TMC2: variants seen among roughly 807,000 people sequenced by gnomAD.
The protein encoded by TMC2 is transmembrane channel-like protein 2.
TMC2 carries 102 observed loss-of-function variants against 105.9 expected under a neutral mutation model. The observed-to-expected ratio is 0.96, with a 90% CI of 0.82 to 1.14. The LOEUF is 1.14. Ranked by LOEUF, TMC2 falls within the 50% of genes most tolerant of loss-of-function variation. The pLI, the probability that TMC2 is intolerant of heterozygous loss-of-function variation, is 0.00. For synonymous variants in TMC2, 402 were observed against 422.8 expected, an observed-to-expected ratio of 0.95 and a Z score of 0.60; for missense variants, 1,093 against 1,134.3, an observed-to-expected ratio of 0.96 and a Z score of 0.52.
chr20:2,558,614 G>T lies in TMC2; in HGVS notation c.241G>T (p.Glu81Ter). The change falls in exon 3 of 20, where the codon GAA becomes TAA. Residue 81 changes from glutamate (E) to a stop codon, truncating the protein, a stop_gained. Transcript: ENST00000358864. LOFTEE classifies it high-confidence loss of function. This position sits in a 1 kb window ranked among gnomAD's most constrained non-coding sequence, Gnocchi z 4.6. ...GCAAACAGGGCGCAGGAGACACAGA[G>T]AAGAGCTGGGGGAGCAGGAGCGGGG... ...RKQTGRRRHR[E>*]ELGEQERGEA... 1 of 1,560,138 alleles carries T rather than the reference G, an allele frequency of 6.4e-7. No homozygotes were observed. Among genetic ancestry groups the T allele is most frequent in the Non-Finnish European group, 8.7e-7 (1 of 1,151,646 alleles).
At chr20:2,605,608 C>T (rs1286143247) in intron 11 of TMC2, among the ~76,000 whole-genome samples, 1 of 152,180 alleles carries the variant, frequency 6.6e-6, no homozygotes, top group Non-Finnish European at 1.5e-5. Context: ...CAAATAGTCA[C>T]ATTGAGAGTT....
intron 4 of TMC2, among the ~76,000 whole-genome samples, chr20:2,562,805 G>C (rs2086036448): frequency 6.6e-6 from 1 of 152,028 alleles, no homozygotes; most frequent in Non-Finnish European, 1.5e-5. Flanking sequence ...AATTAGCCGG[G>C]GGTGGTTGCG....
intron 17 of TMC2, among the ~76,000 whole-genome samples, chr20:2,629,852 G>A (rs967724732): frequency 6.6e-6 from 1 of 152,160 alleles, no homozygotes; most frequent in African/African-American, 2.4e-5. Context: ...GTTAAATAAA[G>A]TTTTATTGGA....
chr20:2,584,252 G>A (rs1261915449), intron 7 of TMC2, among the ~76,000 whole-genome samples: 5 of 151,538 alleles, frequency 3.3e-5, no homozygotes, highest in South Asian at 4.2e-4. Flanking sequence ...AGACCATCCC[G>A]GCTAACACGG....
At chr20:2,563,802 C>T (rs889986314) in intron 4 of TMC2, among the ~76,000 whole-genome samples, 3 of 152,216 alleles carry the variant, frequency 2.0e-5, no homozygotes, top group Admixed American at 6.5e-5. Flanking sequence ...TTTTAACTCA[C>T]TGTGGCCTTG....
chr20:2,599,518 G>A (rs1173671655), intron 10 of TMC2, among the ~76,000 whole-genome samples: 2 of 100,174 alleles, frequency 2.0e-5, no homozygotes, highest in East Asian at 2.9e-4. Context: ...CAAGTTCTTC[G>A]TTTTTTTTTT....
chr20:2,548,970 G>C (rs1355267728), intron 2 of TMC2, among the ~76,000 whole-genome samples: 1 of 152,166 alleles, frequency 6.6e-6, no homozygotes, highest in African/African-American at 2.4e-5. Context: ...AAAAACCAAA[G>C]AAGGCATAGC....
At chr20:2,553,966 C>A (rs1341041471) in intron 2 of TMC2, among the ~76,000 whole-genome samples, 1 of 152,148 alleles carries the variant, frequency 6.6e-6, no homozygotes, top group African/African-American at 2.4e-5. Context: ...CTCACTGCAA[C>A]CTCTGCCTCC....
At position 2,597,184 on chromosome 20, in the gene TMC2, AGGGGAGAGT is replaced by A; in HGVS notation, c.1112_1120del (p.Gly371_Ser373del). ...GCAATACCCAAGGAAGCACAGGCGAAGGGGAGAGTGACAACTTCACATTCAGCTTCAAGA... is the reference window on the plus strand; with the variant it reads ...GCAATACCCAAGGAAGCACAGGCGAAGACAACTTCACATTCAGCTTCAAGA... On this transcript the variant is annotated inframe_deletion, in exon 10 of 20. Transcript: ENST00000358864. 11 of 1,614,158 alleles carry A rather than the reference AGGGGAGAGT, an allele frequency of 6.8e-6. No individual in the cohort carries two copies. The highest frequency in any genetic ancestry group is 9.3e-6 in the Non-Finnish European group (11 of 1,179,994).
chr20:2,582,471 T>A (rs1218862246), intron 7 of TMC2, among the ~76,000 whole-genome samples: 1 of 152,062 alleles, frequency 6.6e-6, no homozygotes, highest in Non-Finnish European at 1.5e-5. Flanking sequence ...TTTAAAAAAA[T>A]TATTTATATA....
At chr20:2,633,730 G>A (rs1405052432) in intron 17 of TMC2, among the ~76,000 whole-genome samples, 1 of 148,414 alleles carries the variant, frequency 6.7e-6, no homozygotes, top group African/African-American at 2.5e-5. Context: ...AAAATTTGGT[G>A]CTGTTGGTTT....
chr20:2,593,576 T>G (rs893577814), intron 8 of TMC2, among the ~76,000 whole-genome samples: 1 of 152,222 alleles, frequency 6.6e-6, no homozygotes, highest in Non-Finnish European at 1.5e-5. Context: ...TGGACTTGAT[T>G]ATTGAAAAAC....
chr20:2,628,042 C>G (rs1053821033), intron 17 of TMC2, among the ~76,000 whole-genome samples: 1 of 151,954 alleles, frequency 6.6e-6, no homozygotes, highest in Non-Finnish European at 1.5e-5. Flanking sequence ...GTGGTGTGTG[C>G]CTGTAATCCC....
At chr20:2,550,341 C>G (rs1166852874) in intron 2 of TMC2, among the ~76,000 whole-genome samples, 1 of 152,016 alleles carries the variant, frequency 6.6e-6, no homozygotes, top group Non-Finnish European at 1.5e-5. Context: ...AGAACAAGAC[C>G]CTGTCTCAAA....
Position 2,572,213 on chromosome 20 carries a change from G to A in TMC2, c.589G>A (p.Ala197Thr), listed in dbSNP as rs1320017445. The A allele has an allele frequency of 3.1e-6, 5 of 1,613,092 alleles. No individual in the cohort carries two copies. Among genetic ancestry groups the A allele is most frequent in the Admixed American group, 3.3e-5 (2 of 59,940 alleles). The change falls in exon 5 of 20, where the codon GCC becomes ACC. Residue 197 changes from alanine (A) to threonine (T), a missense_variant. Coordinates refer to ENST00000358864, the MANE Select transcript of TMC2 (RefSeq NM_080751.3). Reference sequence around the variant, plus strand: ...GGAATTTGTGGAGAAGTATGAAGGTGCCTTGGGAAAGGGGAAAGGCAAGCA... The same window carrying A: ...GGAATTTGTGGAGAAGTATGAAGGTACCTTGGGAAAGGGGAAAGGCAAGCA... ...AQEFVEKYEG[A>T]LGKGKGKQLY...
At chr20:2,563,732 C>T (rs577374517) in intron 4 of TMC2, among the ~76,000 whole-genome samples, 39 of 152,110 alleles carry the variant, frequency 2.6e-4, no homozygotes, top group African/African-American at 8.4e-4. Flanking sequence ...TAAATATATA[C>T]AATTTATTTT....
chr20:2,617,642 T>C (rs1398121545), intron 16 of TMC2: 3 of 345,016 alleles, frequency 8.7e-6, no homozygotes, highest in African/African-American at 6.3e-5. Flanking sequence ...GTACATGTGA[T>C]ATTTGGATAC....
intron 16 of TMC2, 198 bp downstream of exon 16, chr20:2,617,509 T>A (rs2086493543): frequency 1.5e-6 from 1 of 672,276 alleles, no homozygotes; most frequent in African/African-American, 1.8e-5. Context: ...GCTGTTCATT[T>A]CAGTAGCCAC....
chr20:2,549,099 C>T (rs913510940), intron 2 of TMC2, among the ~76,000 whole-genome samples: 6 of 152,110 alleles, frequency 3.9e-5, no homozygotes, highest in Non-Finnish European at 7.4e-5. Context: ...TGTTTAGAAA[C>T]AGGGTCTTGC....
Sources: allele counts gnomAD v4.1 joint callset (sites outside exome capture counted in the v4.1 genomes callset), GRCh38; gene constraint gnomAD v4.1.1; non-coding constraint Gnocchi (gnomAD v3.1); transcripts MANE v1.5; gene names NCBI Gene and HGNC (gene_info 2026-07-23, HGNC 2026-07-21).